Variants in ATP2C1 observed in about 807,000 individuals in gnomAD.
ATP2C1 encodes the protein ATPase secretory pathway Ca2+ transporting 1, also known as calcium-transporting ATPase type 2C member 1.
In ATP2C1, 31 loss-of-function variants were observed where a neutral mutation model predicts 120.5. The observed-to-expected ratio is 0.26, with a 90% CI of 0.19 to 0.35. The LOEUF (loss-of-function observed/expected upper bound fraction) is 0.35. Among genes scored for constraint, ATP2C1 ranks in the 10% least tolerant of loss-of-function variants. The probability of loss-of-function intolerance (pLI) is 1.00; values close to 1 mark genes in which losing one functional copy is unlikely to be tolerated. For missense variants in ATP2C1, 731 were observed against 1,107.5 expected (o/e 0.66, Z 4.83); for synonymous variants, 351 against 358.7 (o/e 0.98, Z 0.24).
In ATP2C1 at chr3:130,997,718, A is replaced by G; in HGVS notation, c.2356A>G (p.Ile786Val). ...TAAAATACTTGTTTCATCAATAATC[A>G]TTGTTTGTGGGACTTTGTTTGTCTT... is the stretch of plus-strand genomic sequence containing the variant. ...ILKILVSSIIIVCGTLFVFWR... is the reference protein window; with the variant it reads ...ILKILVSSIIVVCGTLFVFWR... The change falls in exon 25 of 28, where the codon ATT (isoleucine) becomes GTT (valine). Residue 786 changes from isoleucine (I) to valine (V), a missense_variant. This residue lies in a region of ATP2C1 where 141 missense variants were observed against 201.6 expected (regional missense o/e 0.70). Transcript: ENST00000510168. 1 of 1,613,694 alleles carries G rather than the reference A, an allele frequency of 6.2e-7. No homozygotes were observed. The highest frequency in any genetic ancestry group is 8.5e-7 in the Non-Finnish European group (1 of 1,179,750).
chr3:130,879,129 T>C (rs2068702316), intron 1 of ATP2C1, among the ~76,000 whole-genome samples: 2 of 152,158 alleles, frequency 1.3e-5, no homozygotes, highest in African/African-American at 4.8e-5. Flanking sequence ...AATCTTGGCT[T>C]ACTGCTACCT....
chr3:130,950,961 A>G (rs2060347264), intron 8 of ATP2C1, among the ~76,000 whole-genome samples: 1 of 152,184 alleles, frequency 6.6e-6, no homozygotes, highest in South Asian at 2.1e-4. Context: ...AAAGTCTTCA[A>G]AGGGAAAACA....
At chr3:130,857,574 T>C (rs1338515491) in intron 1 of ATP2C1, among the ~76,000 whole-genome samples, 1 of 152,246 alleles carries the variant, frequency 6.6e-6, no homozygotes, top group Non-Finnish European at 1.5e-5. Context: ...CTCCCAGTAA[T>C]CCACACTACA....
chr3:130,974,705 T>C (rs1292047569), intron 17 of ATP2C1, among the ~76,000 whole-genome samples: 2 of 152,096 alleles, frequency 1.3e-5, no homozygotes, highest in Non-Finnish European at 2.9e-5. Flanking sequence ...TCTGTCACAA[T>C]AGACAGTGTA....
At chr3:130,979,532 A>T in intron 19 of ATP2C1, 113 bp downstream of exon 19, 2 of 1,159,186 alleles carry the variant, frequency 1.7e-6, no homozygotes, top group South Asian at 1.3e-5. Flanking sequence ...AGATTATGCA[A>T]TTGAAATCGA....
At chr3:130,921,874 G>T (rs1191870525) in intron 2 of ATP2C1, among the ~76,000 whole-genome samples, 2 of 151,884 alleles carry the variant, frequency 1.3e-5, no homozygotes, top group Admixed American at 6.5e-5. Flanking sequence ...CTAGTATTTT[G>T]TTGGGAAGTT....
chr3:131,013,464 T>C (rs1242064218), intron 26 of ATP2C1, among the ~76,000 whole-genome samples: 1 of 152,208 alleles, frequency 6.6e-6, no homozygotes, highest in Non-Finnish European at 1.5e-5. Context: ...GTTTCCTCCT[T>C]CTCCAGGTCT....
chr3:130,909,783 G>A (rs1446509829), intron 2 of ATP2C1, among the ~76,000 whole-genome samples: 2 of 152,068 alleles, frequency 1.3e-5, no homozygotes, highest in Non-Finnish European at 2.9e-5. Flanking sequence ...GTGTTTGTCT[G>A]AATTATTATT....
intron 1 of ATP2C1, among the ~76,000 whole-genome samples, chr3:130,877,658 G>A (rs112464465): frequency 0.1 from 15,281 of 151,926 alleles, 883 homozygotes; most frequent in Non-Finnish European, 0.13. Flanking sequence ...GAGAGGATGT[G>A]GAGAAACAGG....
chr3:130,850,801 A>T, exon 1 of ATP2C1: 2 of 1,250,138 alleles, frequency 1.6e-6, no homozygotes, highest in Non-Finnish European at 2.1e-6. Flanking sequence ...GCAGACAAGG[A>T]CCCTCTTGCT....
At chr3:130,878,614 C>T (rs1304952845) in intron 1 of ATP2C1, among the ~76,000 whole-genome samples, 4 of 152,120 alleles carry the variant, frequency 2.6e-5, no homozygotes, top group Non-Finnish European at 4.4e-5. Context: ...CTGGAAAATA[C>T]TTTATTTCTC....
chr3:130,882,088 T>C (rs1411144815), intron 1 of ATP2C1, among the ~76,000 whole-genome samples: 1 of 152,244 alleles, frequency 6.6e-6, no homozygotes, highest in African/African-American at 2.4e-5. Flanking sequence ...CAGTACTATG[T>C]TGAATAATAG....
In ATP2C1 at chr3:130,955,037, A is replaced by T. The variant is rs754279726; in HGVS notation, c.713A>T (p.Asn238Ile). 31 of 1,612,706 alleles carry T rather than the reference A, an allele frequency of 1.9e-5. No homozygotes were observed. The highest frequency in any genetic ancestry group is 2.5e-5 in the Non-Finnish European group (30 of 1,179,158). The change falls in exon 10 of 28, where the codon AAT (asparagine) becomes ATT (isoleucine). Residue 238 changes from asparagine (N) to isoleucine (I), a missense_variant. Transcript: ENST00000510168. ...AKGVVIGTGE[N>I]SEFGEVFKMM... is the part of the protein sequence containing the mutation. The stretch of plus-strand genomic sequence containing the variant: ...GGTGTTGTCATTGGAACAGGAGAAA[A>T]TTCTGAATTTGGGGAGGTTTTTAAA...
chr3:130,902,297 GTTTTTT>G (rs398052267), intron 2 of ATP2C1, among the ~76,000 whole-genome samples: 8 of 13,248 alleles, frequency 6.0e-4, no homozygotes, highest in African/African-American at 1.4e-3. Flanking sequence ...TTTTTTTTTT[GTTTTTT>G]TTTTTTTTTT....
chr3:130,909,462 G>A (rs2058289527), intron 2 of ATP2C1, among the ~76,000 whole-genome samples: 1 of 152,166 alleles, frequency 6.6e-6, no homozygotes, highest in Non-Finnish European at 1.5e-5. Context: ...GTCAGGTACT[G>A]CCCTTCATAC....
intron 2 of ATP2C1, among the ~76,000 whole-genome samples, chr3:130,927,571 A>G (rs1302127659): frequency 1.3e-5 from 2 of 152,166 alleles, no homozygotes; most frequent in African/African-American, 4.8e-5. Context: ...AGAAAACAGT[A>G]TATTCCTTGG....
intron 1 of ATP2C1, among the ~76,000 whole-genome samples, chr3:130,885,812 T>G (rs1445508237): frequency 6.6e-6 from 1 of 152,208 alleles, no homozygotes; most frequent in Non-Finnish European, 1.5e-5. Flanking sequence ...TCTCTGATTT[T>G]CTATGTGCTT....
downstream of ATP2C1, chr3:131,003,245 A>C: frequency 1.3e-6 from 1 of 760,180 alleles, no homozygotes; most frequent in Middle Eastern, 6.7e-4. Context: ...TGGAGAATGC[A>C]TAGTACACAG....
intron 18 of ATP2C1, among the ~76,000 whole-genome samples, chr3:130,978,063 A>G (rs538012490): frequency 2.0e-5 from 3 of 152,136 alleles, no homozygotes; most frequent in Admixed American, 2.0e-4. Context: ...CCCCTCCATT[A>G]GGAGTGCGCA....
Sources: allele counts gnomAD v4.1 joint callset (sites outside exome capture counted in the v4.1 genomes callset), GRCh38; gene constraint gnomAD v4.1.1; regional missense constraint gnomAD v4.1.1; transcripts MANE v1.5; gene names NCBI Gene and HGNC (gene_info 2026-07-23, HGNC 2026-07-21).